Variants in HAUS6 observed in about 807,000 individuals in gnomAD.
HAUS6 encodes the protein HAUS augmin-like complex subunit 6.
A neutral mutation model predicts 106.8 loss-of-function variants in HAUS6; 80 were observed. That is an observed-to-expected ratio of 0.75 (90% CI 0.63 to 0.90). The LOEUF (loss-of-function observed/expected upper bound fraction) is 0.90, where lower values mean the gene tolerates loss of function less well. Ranked by LOEUF, HAUS6 falls within the 40% of genes least tolerant of loss-of-function variation. The pLI, the probability that HAUS6 is intolerant of heterozygous loss-of-function variation, is 0.00. For synonymous variants in HAUS6, 356 were observed against 379.1 expected, an observed-to-expected ratio of 0.94 and a Z score of 0.71; for missense variants, 1,155 against 1,118.1, an observed-to-expected ratio of 1.03 and a Z score of -0.47.
At chr9:19,096,564 CAAAAAAAAAAAAAAAA>C in intron 2 of HAUS6, 94 bp downstream of exon 2, 2 of 262,480 alleles carry the variant, frequency 7.6e-6, no homozygotes, top group South Asian at 3.6e-5. Flanking sequence ...GACTCCGTCT[CAAAAAAAAAAAAAAAA>C]AAAAAAAAAG....
At chr9:19,099,836 G>A (rs1817949680) in intron 1 of HAUS6, among the ~76,000 whole-genome samples, 1 of 151,992 alleles carries the variant, frequency 6.6e-6, no homozygotes, top group East Asian at 1.9e-4. Flanking sequence ...GATCACTTAA[G>A]CCCAGAGGGT....
chr9:19,083,552 C>T (rs1204663598), intron 7 of HAUS6, among the ~76,000 whole-genome samples: 1 of 151,982 alleles, frequency 6.6e-6, no homozygotes. Context: ...TCTGTAATCC[C>T]AGCCCTTTGG....
chr9:19,077,419 C>G (rs927082576), intron 10 of HAUS6, among the ~76,000 whole-genome samples: 5 of 152,104 alleles, frequency 3.3e-5, no homozygotes, highest in African/African-American at 1.2e-4. Context: ...CCTTTAGTCC[C>G]GGCTACTTGG....
intron 16 of HAUS6, chr9:19,056,667 C>T (rs928227360): frequency 2.8e-5 from 9 of 319,186 alleles, no homozygotes; most frequent in South Asian, 1.0e-4. Flanking sequence ...GTGGCACGAT[C>T]GCAGCTCACT....
intron 12 of HAUS6, chr9:19,065,100 G>A (rs1487248449): frequency 6.6e-6 from 1 of 152,218 alleles, no homozygotes; most frequent in South Asian, 2.1e-4. Flanking sequence ...TTCTATAGGT[G>A]ACAAGTGTTT....
chr9:19,073,520 T>C (rs940918240), intron 11 of HAUS6, among the ~76,000 whole-genome samples: 1 of 150,784 alleles, frequency 6.6e-6, no homozygotes, highest in Non-Finnish European at 1.5e-5. Context: ...AACCTCCAAA[T>C]GGACATGAGA....
chr9:19,071,192 A>G (rs1588606225), intron 11 of HAUS6, among the ~76,000 whole-genome samples: 1 of 152,368 alleles, frequency 6.6e-6, no homozygotes, highest in Non-Finnish European at 1.5e-5. Flanking sequence ...GTATATACCT[A>G]TGACTACTAA....
At chr9:19,088,860 ACAG>A (rs1817687024) in intron 5 of HAUS6, among the ~76,000 whole-genome samples, 1 of 152,216 alleles carries the variant, frequency 6.6e-6, no homozygotes, top group African/African-American at 2.4e-5. Context: ...CCTGGGCAAC[ACAG>A]CGAGACTCCA....
chr9:19,093,594 T>G (rs1817800669), intron 3 of HAUS6, among the ~76,000 whole-genome samples: 2 of 152,054 alleles, frequency 1.3e-5, no homozygotes, highest in Admixed American at 1.3e-4. Context: ...CAGGGCTGGG[T>G]GTGGTGGCTC....
intron 7 of HAUS6, among the ~76,000 whole-genome samples, chr9:19,084,621 TTTTTTTC>T (rs1189362208): frequency 1.3e-5 from 2 of 149,472 alleles, no homozygotes; most frequent in East Asian, 1.9e-4. Flanking sequence ...ATTAGTTCAC[TTTTTTTC>T]TTTTTTCTTT....
chr9:19,101,674 C>A (rs568274373), intron 1 of HAUS6, among the ~76,000 whole-genome samples: 1 of 152,288 alleles, frequency 6.6e-6, no homozygotes, highest in South Asian at 2.1e-4. Context: ...GTAATCCCAG[C>A]ACTTTGGGAG....
Position 19,089,423 on chromosome 9 carries a change from C to T in HAUS6, c.573G>A (p.Gln191=). Residue 191 remains glutamine, a synonymous_variant, in exon 5 of 17, where the codon CAG becomes CAA. Coordinates refer to ENST00000380502, the MANE Select transcript of HAUS6 (RefSeq NM_017645.5). ...AAGGTACTACTTACTGTGCATTTTC[C>T]TGATATTTTTGGGTAACACAATCTT... ...QRQDCVTQKY[Q]ENAQLSVKQV... The T allele has an allele frequency of 6.2e-7, 1 of 1,606,324 alleles. No individual in the cohort carries two copies. The highest frequency in any genetic ancestry group is 8.5e-7 in the Non-Finnish European group (1 of 1,173,054).
At chr9:19,068,990 T>G (rs1182972098) in intron 12 of HAUS6, among the ~76,000 whole-genome samples, 3 of 152,212 alleles carry the variant, frequency 2.0e-5, no homozygotes, top group Admixed American at 6.5e-5. Context: ...TTGTCCAATT[T>G]TTTTTTAAGC....
At chr9:19,078,090 G>A in intron 10 of HAUS6, 86 bp downstream of exon 10, 1 of 1,079,082 alleles carries the variant, frequency 9.3e-7, no homozygotes, top group Non-Finnish European at 1.4e-6. Flanking sequence ...CTCTACTCCA[G>A]CCTGGGCAAC....
intron 12 of HAUS6, among the ~76,000 whole-genome samples, chr9:19,064,755 G>C (rs571902717): frequency 1.3e-5 from 2 of 152,110 alleles, no homozygotes; most frequent in Non-Finnish European, 2.9e-5. Context: ...CTTTGCCTAC[G>C]TTCCAAACAT....
intron 4 of HAUS6, among the ~76,000 whole-genome samples, chr9:19,090,221 A>G (rs1817714596): frequency 6.6e-6 from 1 of 151,852 alleles, no homozygotes; most frequent in Non-Finnish European, 1.5e-5. Context: ...ATTTTACACA[A>G]TTAAAAATTT....
chr9:19,093,881 T>C (rs1564021088), intron 3 of HAUS6, among the ~76,000 whole-genome samples: 2 of 151,958 alleles, frequency 1.3e-5, no homozygotes, highest in Non-Finnish European at 2.9e-5. Context: ...AAAAAAGTAA[T>C]AATAAAATAA....
intron 4 of HAUS6, among the ~76,000 whole-genome samples, chr9:19,092,417 A>T (rs1159655520): frequency 6.6e-6 from 1 of 151,792 alleles, no homozygotes; most frequent in East Asian, 1.9e-4. Context: ...GGAGTTTGAG[A>T]CCAGCCTGAC....
intron 2 of HAUS6, among the ~76,000 whole-genome samples, chr9:19,095,016 A>C (rs1253565151): frequency 2.0e-5 from 3 of 152,076 alleles, no homozygotes; most frequent in African/African-American, 7.2e-5. Flanking sequence ...CTAGTGCATA[A>C]AGACAATATA....
Sources: allele counts gnomAD v4.1 joint callset (sites outside exome capture counted in the v4.1 genomes callset), GRCh38; gene constraint gnomAD v4.1.1; transcripts MANE v1.5; gene names NCBI Gene and HGNC (gene_info 2026-07-23, HGNC 2026-07-21).